The following NPAS3 variants were observed in gnomAD, a reference collection of about 807,000 sequenced individuals.
NPAS3 encodes neuronal PAS domain-containing protein 3.
A neutral mutation model predicts 73.1 loss-of-function variants in NPAS3; 14 were observed. That is an observed-to-expected ratio of 0.19 (90% CI 0.13 to 0.30). The LOEUF is 0.30. NPAS3 is among the 10% of genes least tolerant of loss of function. NPAS3 has a pLI of 1.00. For synonymous variants in NPAS3, 620 were observed against 541.5 expected (o/e 1.14, Z -2.01); for missense variants, 1,096 against 1,250.0 (o/e 0.88, Z 1.86).
rs1195213186 is a variant in NPAS3 at position 33,308,553 on chromosome 14, C to CACACACACACACACACACACACAT, written c.386-58630_386-58629insCACACACACACACACACACATACA. On this transcript the variant is annotated intron_variant, in intron 3 of 11. Transcript: ENST00000356141. ...ACATACACACACACACACACACACA[C>CACACACACACACACACACACACAT]ACATACATACATTATATATATGTAT... 1.3e-3 allele frequency among the ~76,000 whole-genome samples: 151 copies of CACACACACACACACACACACACAT among 113,742 alleles called. 5 individuals are homozygous for CACACACACACACACACACACACAT. Among genetic ancestry groups the CACACACACACACACACACACACAT allele is most frequent in the East Asian group, 4.9e-3 (19 of 3,858 alleles). 74.6% of individuals were successfully genotyped at this position (113,742 alleles called of 152,430 possible).
At position 33,505,348 on chromosome 14, in the gene NPAS3, G is replaced by A. The variant is rs1311847716; in HGVS notation, c.469-54773G>A. Reference sequence around the variant, plus strand: ...TGGAGAAAAGTTGTACACTCTCTAGGGGAAAAAAATCAAGTTTCTTCATTC... The same window carrying A: ...TGGAGAAAAGTTGTACACTCTCTAGAGGAAAAAAATCAAGTTTCTTCATTC... On this transcript the variant is annotated intron_variant, in intron 4 of 11. Coordinates refer to ENST00000356141, the Ensembl canonical transcript of NPAS3. Among the ~76,000 whole-genome samples the A allele has an allele frequency of 2.0e-5, 3 of 151,820 alleles. 1 individual carries two copies. Among genetic ancestry groups the A allele is most frequent in the Admixed American group, 2.0e-4 (3 of 15,238 alleles).
rs191179902 is a variant in NPAS3, at chr14:33,461,859, G to A, written c.468+94591G>A. ...TGGGGGCAGATGAATTGGCCTGCCTGACACTCAGTTTCATCACTTGTGAAA... is the reference window on the plus strand; with the variant it reads ...TGGGGGCAGATGAATTGGCCTGCCTAACACTCAGTTTCATCACTTGTGAAA... On this transcript the variant is annotated intron_variant, in intron 4 of 11. Coordinates refer to ENST00000356141, the Ensembl canonical transcript of NPAS3. Among the ~76,000 whole-genome samples, 209 of 152,280 alleles carry A rather than the reference G, an allele frequency of 1.4e-3. 3 individuals are homozygous for A. The highest frequency in any genetic ancestry group is 2.5e-3 in the African/African-American group (102 of 41,564).
intron 3 of NPAS3, among the ~76,000 whole-genome samples, chr14:33,352,071 A>T (rs1173985487): frequency 2.6e-5 from 4 of 152,222 alleles, no homozygotes; most frequent in Non-Finnish European, 4.4e-5. Context: ...GGTTTAAAAA[A>T]ATTTACAAAT....
chr14:33,097,464 GC>G (rs1209299541), intron 2 of NPAS3, among the ~76,000 whole-genome samples: 1 of 152,120 alleles, frequency 6.6e-6, no homozygotes, highest in East Asian at 1.9e-4. Context: ...GAACATTTGG[GC>G]ATTCCCAATA....
intron 1 of NPAS3, among the ~76,000 whole-genome samples, chr14:33,052,809 C>A (rs1488635459): frequency 6.6e-6 from 1 of 151,854 alleles, no homozygotes; most frequent in African/African-American, 2.4e-5. Context: ...AATTTCTTTG[C>A]TTTTGTGATT....
intron 4 of NPAS3, among the ~76,000 whole-genome samples, chr14:33,552,713 G>A (rs895160420): frequency 4.6e-5 from 7 of 151,722 alleles, no homozygotes; most frequent in Admixed American, 1.3e-4. Context: ...CCTGGTACCC[G>A]CGTGTGAGTG....
intron 2 of NPAS3, among the ~76,000 whole-genome samples, chr14:33,097,834 C>T (rs989097564): frequency 1.3e-5 from 2 of 152,146 alleles, no homozygotes; most frequent in African/African-American, 4.8e-5. Context: ...TGTTTTTTTA[C>T]TAATTTTTTT....
At chr14:33,354,030 G>GA (rs1001771350) in intron 3 of NPAS3, among the ~76,000 whole-genome samples, 12 of 151,722 alleles carry the variant, frequency 7.9e-5, no homozygotes, top group East Asian at 3.9e-4. Context: ...GTGAAATATT[G>GA]AAAAAAAATA....
intron 4 of NPAS3, among the ~76,000 whole-genome samples, chr14:33,440,347 G>C (rs1244034512): frequency 6.6e-6 from 1 of 152,052 alleles, no homozygotes; most frequent in East Asian, 1.9e-4. Context: ...GCCTGGTGAG[G>C]GGGAAGCTGC....
In NPAS3 at chr14:33,628,077, T is replaced by G. The variant is rs578088666; in HGVS notation, c.559-48134T>G. On this transcript the variant is annotated intron_variant, in intron 5 of 11. Transcript: ENST00000356141. ...TGCCATAAAGCCTGCATCACAGAAT[T>G]CTCTAATATGTTGCGTTGTGAAGCT... is the stretch of plus-strand genomic sequence containing the variant. 6.6e-4 allele frequency among the ~76,000 whole-genome samples: 100 copies of G among 152,326 alleles called. 1 individual carries two copies. In the South Asian group the frequency reaches 0.021, roughly 31 times the overall value.
intron 6 of NPAS3, among the ~76,000 whole-genome samples, chr14:33,688,192 G>C (rs571564196): frequency 1.2e-4 from 19 of 152,260 alleles, no homozygotes; most frequent in South Asian, 6.2e-4. Context: ...GGTAAGCATA[G>C]TACCCAATAG....
intron 4 of NPAS3, among the ~76,000 whole-genome samples, chr14:33,465,445 A>C (rs1322121899): frequency 6.6e-6 from 1 of 152,228 alleles, no homozygotes. Context: ...TAACAAAAAA[A>C]CAAGATTATA....
intron 2 of NPAS3, among the ~76,000 whole-genome samples, chr14:33,164,969 T>G (rs1195945954): frequency 1.3e-5 from 2 of 152,134 alleles, no homozygotes; most frequent in African/African-American, 4.8e-5. Flanking sequence ...TATAGAGTTA[T>G]GAGAATTCAT....
intron 3 of NPAS3, among the ~76,000 whole-genome samples, chr14:33,240,999 T>C (rs2048197176): frequency 1.3e-5 from 2 of 151,980 alleles, no homozygotes; most frequent in Non-Finnish European, 2.9e-5. Context: ...AGTCTTAGCA[T>C]GAGGCTAACC....
chr14:33,368,026 G>A (rs920886521), intron 4 of NPAS3, among the ~76,000 whole-genome samples: 1 of 151,994 alleles, frequency 6.6e-6, no homozygotes, highest in African/African-American at 2.4e-5. Flanking sequence ...TGTTGCCATG[G>A]CCACTTTTTT....
At chr14:33,130,965 A>C (rs2139105496) in intron 2 of NPAS3, among the ~76,000 whole-genome samples, 1 of 152,268 alleles carries the variant, frequency 6.6e-6, no homozygotes, top group African/African-American at 2.4e-5. Flanking sequence ...CGGAAGCCTC[A>C]GAGATGGGTA....
intron 2 of NPAS3, among the ~76,000 whole-genome samples, chr14:33,151,909 T>C (rs74041793): frequency 0.072 from 10,971 of 152,258 alleles, 420 homozygotes; most frequent in Middle Eastern, 0.11. Context: ...TTCCAGAGAC[T>C]GAGCGTATAC....
intron 1 of NPAS3, among the ~76,000 whole-genome samples, chr14:32,977,575 CA>C (rs1004319279): frequency 2.0e-5 from 3 of 151,768 alleles, no homozygotes; most frequent in African/African-American, 7.3e-5. Flanking sequence ...CTACTGAAAA[CA>C]AAAAAATTAA....
intron 3 of NPAS3, among the ~76,000 whole-genome samples, chr14:33,328,846 T>A (rs2043844056): frequency 6.6e-6 from 1 of 152,210 alleles, no homozygotes; most frequent in Non-Finnish European, 1.5e-5. Flanking sequence ...TTTATAGATA[T>A]ATATTTCGCT....
Sources: gnomAD v4.1 joint callset for allele counts (sites outside exome capture counted in the v4.1 genomes callset) on GRCh38, gnomAD v4.1.1 for gene constraint, MANE v1.5 for transcripts, NCBI Gene and HGNC (gene_info 2026-07-23, HGNC 2026-07-21) for gene names.